Variants in GRAMD1B observed in about 807,000 individuals in gnomAD.
The protein encoded by GRAMD1B is protein Aster-B.
Under a neutral mutation model 99.7 loss-of-function variants are expected in GRAMD1B, and 37 were observed. The observed-to-expected ratio is 0.37, with a 90% confidence interval of 0.29 to 0.49. The LOEUF (loss-of-function observed/expected upper bound fraction) is 0.49, where lower values mean the gene tolerates loss of function less well. Among genes scored for constraint, GRAMD1B ranks in the 20% least tolerant of loss-of-function variants. The pLI is 0.98. For synonymous variants in GRAMD1B, 427 were observed against 387.6 expected, an observed-to-expected ratio of 1.10 and a Z score of -1.19; for missense variants, 888 against 1,009.2, an observed-to-expected ratio of 0.88 and a Z score of 1.63.
intron 2 of GRAMD1B, among the ~76,000 whole-genome samples, chr11:123,552,399 C>A (rs1945715278): frequency 6.6e-6 from 1 of 151,654 alleles, no homozygotes; most frequent in Admixed American, 6.6e-5. Flanking sequence ...CTCAGCCTCC[C>A]CAGTAGCTGG....
chr11:123,404,886 G>A (rs1330907154), intron 1 of GRAMD1B, among the ~76,000 whole-genome samples: 2 of 152,204 alleles, frequency 1.3e-5, no homozygotes, highest in Non-Finnish European at 2.9e-5. Flanking sequence ...TGTTGTCAGG[G>A]GGTCGTGGGA....
intron 2 of GRAMD1B, among the ~76,000 whole-genome samples, chr11:123,501,269 C>T (rs1565304238): frequency 6.6e-6 from 1 of 152,152 alleles, no homozygotes; most frequent in Non-Finnish European, 1.5e-5. Context: ...CTCCTGGGTT[C>T]AAGTGATTCT....
chr11:123,466,353 AGAAG>A (rs1358111792), intron 1 of GRAMD1B, among the ~76,000 whole-genome samples: 17 of 129,550 alleles, frequency 1.3e-4, no homozygotes, highest in African/African-American at 5.0e-4. Context: ...AAGGAAGGAA[AGAAG>A]GAAGGAAGGA....
At chr11:123,453,241 C>T (rs375981317) in intron 1 of GRAMD1B, among the ~76,000 whole-genome samples, 48 of 151,902 alleles carry the variant, frequency 3.2e-4, no homozygotes, top group African/African-American at 8.4e-4. Context: ...GAAACATAAA[C>T]GTTTTCTAAT....
intron 1 of GRAMD1B, among the ~76,000 whole-genome samples, chr11:123,433,558 G>A (rs1340559653): frequency 2.0e-5 from 3 of 152,168 alleles, no homozygotes; most frequent in African/African-American, 7.2e-5. Context: ...TTGGGTTGTG[G>A]TGTGAGGATC....
intron 2 of GRAMD1B, among the ~76,000 whole-genome samples, chr11:123,547,287 C>T (rs1945118701): frequency 6.6e-6 from 1 of 152,140 alleles, no homozygotes; most frequent in South Asian, 2.1e-4. Context: ...GATGGATGTC[C>T]CTGGTGGTTT....
intron 2 of GRAMD1B, among the ~76,000 whole-genome samples, chr11:123,557,173 G>A (rs923087373): frequency 6.6e-6 from 1 of 152,098 alleles, no homozygotes; most frequent in Non-Finnish European, 1.5e-5. Flanking sequence ...TTCTTGTCAG[G>A]GGTTTAGCAA....
intron 1 of GRAMD1B, among the ~76,000 whole-genome samples, chr11:123,364,741 A>G (rs774934765): frequency 4.6e-5 from 7 of 152,166 alleles, no homozygotes; most frequent in African/African-American, 7.2e-5. Context: ...TCTCAGTGGC[A>G]GCCCTACAAG....
At chr11:123,555,796 C>T (rs1322150393) in intron 2 of GRAMD1B, among the ~76,000 whole-genome samples, 7 of 152,106 alleles carry the variant, frequency 4.6e-5, no homozygotes, top group East Asian at 1.9e-4. Context: ...CACAATGGCA[C>T]GATCTCGGCT....
At chr11:123,473,121 A>G (rs975603246) in intron 1 of GRAMD1B, among the ~76,000 whole-genome samples, 3 of 152,080 alleles carry the variant, frequency 2.0e-5, no homozygotes, top group Non-Finnish European at 2.9e-5. Flanking sequence ...CTGGAGAGCA[A>G]TGGTGCAATC....
intron 2 of GRAMD1B, among the ~76,000 whole-genome samples, chr11:123,488,509 TC>T (rs1938146568): frequency 6.6e-6 from 1 of 152,186 alleles, no homozygotes; most frequent in Non-Finnish European, 1.5e-5. Context: ...GAAGACATGG[TC>T]CCTGCTCTTG....
At position 123,626,575 on chromosome 11, in the gene GRAMD1B, C is replaced by T. The variant is rs531529433; in HGVS notation, c.*3980C>T. The T allele has an allele frequency of 1.5e-3, 225 of 152,318 alleles. 2 individuals are homozygous for T. Among genetic ancestry groups the T allele is most frequent in the Non-Finnish European group, 9.5e-4 (65 of 68,074 alleles). 9.4% of individuals were successfully genotyped at this position (152,318 alleles called of 1,614,324 possible). ...CCTACTGCCCCCAGGAGAAATAGCA[C>T]TCTTCTCCCTTCCCCCAGATGGCAG... On this transcript the variant is annotated 3_prime_UTR_variant, in exon 20 of 20. Transcript: ENST00000635736.
chr11:123,554,047 C>T (rs1365534691), intron 2 of GRAMD1B, among the ~76,000 whole-genome samples: 1 of 152,176 alleles, frequency 6.6e-6, no homozygotes, highest in Non-Finnish European at 1.5e-5. Context: ...TCAGGGCAGC[C>T]AGTTGTTTGG....
rs956384518 is a variant in GRAMD1B, at chr11:123,624,752, T to C, written c.*2157T>C. On this transcript the variant is annotated 3_prime_UTR_variant, in exon 20 of 20. Coordinates refer to ENST00000635736, the MANE Select transcript of GRAMD1B (RefSeq NM_001387025.1). Reference sequence around the variant, plus strand: ...CCTGAATTTATTCCATACATAATTATTTCCTTAAGTTATTTAATTATTAAA... The same window carrying C: ...CCTGAATTTATTCCATACATAATTACTTCCTTAAGTTATTTAATTATTAAA... 6 of 152,226 alleles carry C rather than the reference T, an allele frequency of 3.9e-5. No individual in the cohort carries two copies. The highest frequency in any genetic ancestry group is 7.2e-5 in the African/African-American group (3 of 41,462). 9.4% of individuals were successfully genotyped at this position (152,226 alleles called of 1,614,324 possible).
chr11:123,592,830 C>T lies in GRAMD1B; in HGVS notation c.685-1252C>T, dbSNP rs572925798. Among the ~76,000 whole-genome samples, 3 of 152,284 alleles carry T rather than the reference C, an allele frequency of 2.0e-5. No homozygotes were observed. The South Asian group carries it at 6.2e-4, about 32-fold the overall frequency. On this transcript the variant is annotated intron_variant, in intron 4 of 19. Transcript: ENST00000635736. Reference sequence around the variant, plus strand: ...TGTCTCCGTTTGGCCGTGCGTGGCTCGTCCCAGGTTTTGCACTTGATTTCA... The same window carrying T: ...TGTCTCCGTTTGGCCGTGCGTGGCTTGTCCCAGGTTTTGCACTTGATTTCA...
intron 2 of GRAMD1B, among the ~76,000 whole-genome samples, chr11:123,517,799 T>C (rs904430498): frequency 2.0e-5 from 3 of 152,240 alleles, no homozygotes; most frequent in Admixed American, 2.0e-4. Flanking sequence ...TCAATTCATC[T>C]GTATTTTTAA....
intron 2 of GRAMD1B, among the ~76,000 whole-genome samples, chr11:123,481,195 C>G (rs562771781): frequency 3.1e-4 from 47 of 152,202 alleles, no homozygotes; most frequent in East Asian, 1.7e-3. Flanking sequence ...TGGCTCACAC[C>G]GGCAATCTCA....
At chr11:123,614,859 T>C in intron 17 of GRAMD1B, 24 bp downstream of exon 17, 2 of 1,409,362 alleles carry the variant, frequency 1.4e-6, no homozygotes, top group Non-Finnish European at 1.0e-6. Flanking sequence ...GGTTTTCCTA[T>C]CCTGCCCTCA....
At chr11:123,556,754 G>GTCCGGAGGCGT (rs1470741783) in intron 2 of GRAMD1B, among the ~76,000 whole-genome samples, 1 of 152,200 alleles carries the variant, frequency 6.6e-6, no homozygotes, top group African/African-American at 2.4e-5. Context: ...TGGAGATTGA[G>GTCCGGAGGCGT]TCCGGAGGCG....
Sources: allele counts gnomAD v4.1 joint callset (sites outside exome capture counted in the v4.1 genomes callset), GRCh38; gene constraint gnomAD v4.1.1; transcripts MANE v1.5; gene names NCBI Gene and HGNC (gene_info 2026-07-23, HGNC 2026-07-21).